FMN1: variants seen among roughly 807,000 people sequenced by gnomAD.
FMN1 encodes formin 1.
A neutral mutation model predicts 132.4 loss-of-function variants in FMN1; 110 were observed. The ratio of observed to expected loss-of-function variants is 0.83; its 90% CI spans 0.71 to 0.97. The LOEUF (loss-of-function observed/expected upper bound fraction) is 0.97. Ranked by LOEUF, FMN1 falls within the 50% of genes least tolerant of loss-of-function variation. The pLI, the probability that FMN1 is intolerant of heterozygous loss-of-function variation, is 0.00. For synonymous variants in FMN1, 722 were observed against 651.7 expected (o/e 1.11, Z -1.64); for missense variants, 1,792 against 1,705.3 (o/e 1.05, Z -0.90).
chr15:33,073,745 T>C (rs2141288133), intron 5 of FMN1, among the ~76,000 whole-genome samples: 1 of 151,696 alleles, frequency 6.6e-6, no homozygotes, highest in East Asian at 2.0e-4. Flanking sequence ...TTTTTTTTTT[T>C]TTTGAGACAG....
intron 4 of FMN1, among the ~76,000 whole-genome samples, chr15:33,139,355 G>C (rs12901484): frequency 0.44 from 66,794 of 152,038 alleles, 15,903 homozygotes; most frequent in South Asian, 0.55. Context: ...TCAGCACTTT[G>C]GGAGGCCGAG....
chr15:32,830,666 G>C (rs922025932), intron 17 of FMN1, among the ~76,000 whole-genome samples: 7 of 152,114 alleles, frequency 4.6e-5, no homozygotes, highest in African/African-American at 1.7e-4. Flanking sequence ...TTTAAAAATT[G>C]AAAGAAGTGC....
chr15:32,911,318 A>T lies in FMN1; in HGVS notation c.3227-783T>A, dbSNP rs115821024. ...GGTCCACATCTTTAAATAATTATTC[A>T]AAACTAATAAGGTTTGTTCCCTCAA... On this transcript the variant is annotated intron_variant, in intron 10 of 20. Coordinates refer to ENST00000616417, the MANE Select transcript of FMN1 (RefSeq NM_001277313.2). Among the ~76,000 whole-genome samples the T allele has an allele frequency of 2.8e-3, 420 of 151,438 alleles. 6 individuals carry two copies. The highest frequency in any genetic ancestry group is 9.8e-3 in the African/African-American group (406 of 41,322).
intron 7 of FMN1, among the ~76,000 whole-genome samples, chr15:33,001,565 T>TC (rs2034109876): frequency 1.9e-4 from 15 of 80,170 alleles, no homozygotes; most frequent in Non-Finnish European, 2.8e-4. Flanking sequence ...CTCCTCCCAC[T>TC]TCCCCCCCCA....
intron 18 of FMN1, among the ~76,000 whole-genome samples, chr15:32,802,183 T>A (rs1240476924): frequency 1.2e-4 from 19 of 152,240 alleles, no homozygotes; most frequent in Non-Finnish European, 8.8e-5. Flanking sequence ...TGCAAACTAG[T>A]CCCTGACCCC....
At chr15:33,067,600 CTCA>C (rs780086512) in intron 5 of FMN1, 9 of 1,613,992 alleles carry the variant, frequency 5.6e-6, no homozygotes, top group East Asian at 4.5e-5. Flanking sequence ...TTGCAATTTT[CTCA>C]TCATTTCCGA....
At chr15:32,851,606 T>C (rs1219743767) in intron 17 of FMN1, among the ~76,000 whole-genome samples, 1 of 152,176 alleles carries the variant, frequency 6.6e-6, no homozygotes, top group Non-Finnish European at 1.5e-5. Flanking sequence ...ATCATGGAGT[T>C]TGCAACCCCG....
intron 9 of FMN1, among the ~76,000 whole-genome samples, chr15:32,928,104 T>C (rs190982487): frequency 5.8e-4 from 89 of 152,326 alleles, no homozygotes; most frequent in African/African-American, 2.1e-3. Flanking sequence ...TTTTTTTCCT[T>C]TACCTGTTCA....
At chr15:33,059,487 G>A (rs2037384978) in intron 6 of FMN1, among the ~76,000 whole-genome samples, 1 of 151,984 alleles carries the variant, frequency 6.6e-6, no homozygotes, top group Non-Finnish European at 1.5e-5. Flanking sequence ...TTCCATAATG[G>A]CCGTACTAAT....
At chr15:33,040,162 CTT>C (rs1043581723) in intron 6 of FMN1, among the ~76,000 whole-genome samples, 12 of 152,308 alleles carry the variant, frequency 7.9e-5, no homozygotes, top group South Asian at 4.1e-4. Context: ...GCTACTCTGT[CTT>C]TGCTCTGCAT....
intron 4 of FMN1, among the ~76,000 whole-genome samples, chr15:33,123,441 G>A (rs2140184732): frequency 6.6e-6 from 1 of 152,232 alleles, no homozygotes; most frequent in Middle Eastern, 3.4e-3. Flanking sequence ...ATGGCACTAA[G>A]CTAAGACTCA....
intron 7 of FMN1, among the ~76,000 whole-genome samples, chr15:32,996,739 AAC>A (rs67943721): frequency 0.055 from 8,352 of 152,290 alleles, 296 homozygotes; most frequent in Non-Finnish European, 0.08. Flanking sequence ...TATACACACA[AAC>A]ACACAATAAA....
intron 13 of FMN1, 147 bp downstream of exon 13, chr15:32,901,764 C>T (rs993439078): frequency 3.5e-6 from 2 of 564,036 alleles, no homozygotes; most frequent in Non-Finnish European, 5.7e-6. Flanking sequence ...CACACACACA[C>T]GGGCAAGATA....
At chr15:32,814,449 A>G (rs1455008300) in intron 17 of FMN1, among the ~76,000 whole-genome samples, 1 of 152,226 alleles carries the variant, frequency 6.6e-6, no homozygotes, top group East Asian at 1.9e-4. Flanking sequence ...ACAATACTTT[A>G]GAAGTATTTC....
chr15:33,144,540 A>C (rs1468179328), intron 4 of FMN1, among the ~76,000 whole-genome samples: 3 of 150,306 alleles, frequency 2.0e-5, no homozygotes, highest in African/African-American at 7.3e-5. Context: ...CGGGAGGCTG[A>C]GGCAGGAGAA....
At chr15:32,940,286 G>A (rs2061370920) in intron 9 of FMN1, among the ~76,000 whole-genome samples, 1 of 152,048 alleles carries the variant, frequency 6.6e-6, no homozygotes, top group African/African-American at 2.4e-5. Flanking sequence ...TCTATTTCTA[G>A]GCCTGCCCTT....
chr15:32,813,948 G>A (rs2057973171), intron 17 of FMN1, among the ~76,000 whole-genome samples: 1 of 152,138 alleles, frequency 6.6e-6, no homozygotes, highest in South Asian at 2.1e-4. Flanking sequence ...CACCGAGGTG[G>A]TATTTTGAAG....
intron 7 of FMN1, among the ~76,000 whole-genome samples, chr15:33,006,803 C>T (rs2034441879): frequency 6.6e-6 from 1 of 152,110 alleles, no homozygotes; most frequent in African/African-American, 2.4e-5. Context: ...AAAGACATGG[C>T]ATGACCTCAT....
chr15:32,870,798 C>T (rs974588886), intron 16 of FMN1, among the ~76,000 whole-genome samples: 5 of 152,138 alleles, frequency 3.3e-5, no homozygotes, highest in Non-Finnish European at 1.5e-5. Context: ...CAAAAACATC[C>T]CTTTCACTGG....
Sources: gnomAD v4.1 joint callset for allele counts (sites outside exome capture counted in the v4.1 genomes callset) on GRCh38, gnomAD v4.1.1 for gene constraint, MANE v1.5 for transcripts, NCBI Gene and HGNC (gene_info 2026-07-23, HGNC 2026-07-21) for gene names.